The following PNPLA7 variants were observed in gnomAD, a reference collection of about 807,000 sequenced individuals.
The protein encoded by PNPLA7 is patatin like domain 7, lysophospholipase.
In PNPLA7, 153 loss-of-function variants were observed where a neutral mutation model predicts 161.7. The observed-to-expected ratio is 0.95, with a 90% CI of 0.83 to 1.08. The LOEUF (loss-of-function observed/expected upper bound fraction) is 1.08, where lower values mean the gene tolerates loss of function less well. Among genes scored for constraint, PNPLA7 ranks in the 50% least tolerant of loss-of-function variants. The probability of loss-of-function intolerance (pLI) is 0.00; values close to 1 mark genes in which losing one functional copy is unlikely to be tolerated. For missense variants in PNPLA7, 1,739 were observed against 1,856.6 expected, an observed-to-expected ratio of 0.94 and a Z score of 1.16; for synonymous variants, 809 against 782.1, an observed-to-expected ratio of 1.03 and a Z score of -0.57.
Position 137,461,566 on chromosome 9 carries a change from T to A in PNPLA7, c.3811A>T (p.Ile1271Phe). ...ACCATGGCGGGCTTGGCGGGCTCAA[T>A]GCGAGACACAATTTCGGCAAGGTCC... ...FTDLAEIVSR[I>F]EPAKPAMVDD... Residue 1271 changes from isoleucine (I) to phenylalanine (F), a missense_variant, in exon 33 of 35, where the codon ATT (isoleucine) becomes TTT (phenylalanine). Physicochemically the swap from Ile to Phe is conservative, Grantham distance 21. This residue lies in a region of PNPLA7 where 703 missense variants were observed against 694.6 expected (regional missense o/e 1.01). Coordinates refer to ENST00000406427, the MANE Select transcript of PNPLA7 (RefSeq NM_001098537.3). 1 of 1,612,612 alleles carries A rather than the reference T, an allele frequency of 6.2e-7. No individual in the cohort carries two copies. The highest frequency in any genetic ancestry group is 8.5e-7 in the Non-Finnish European group (1 of 1,179,594).
At position 137,520,188 on chromosome 9, in the gene PNPLA7, C is replaced by A; in HGVS notation, c.958-145G>T. ...CCTCAAAGGTGTGACAGGTGTGGGA[C>A]TCTCAAAGGTGTGACAGGTGTGGGC... On this transcript the variant is annotated intron_variant, in intron 10 of 34. Transcript: ENST00000406427. The surrounding 1 kb of genome is among the most constrained non-coding windows in gnomAD (Gnocchi z 5.2). 8 of 1,219,288 alleles carry A rather than the reference C, an allele frequency of 6.6e-6. No homozygotes were observed. Among genetic ancestry groups the A allele is most frequent in the Non-Finnish European group, 9.1e-6 (8 of 877,834 alleles). The allele number at this position is 1,219,288 out of a possible 1,614,324, so 75.5% of individuals were successfully genotyped here. A position where few individuals can be genotyped will look rare whatever the true frequency, so the allele number is the denominator to read the frequency against.
chr9:137,525,047 C>T (rs936393420), intron 8 of PNPLA7, among the ~76,000 whole-genome samples: 1 of 152,200 alleles, frequency 6.6e-6, no homozygotes, highest in South Asian at 2.1e-4. Flanking sequence ...TGACTCCTGG[C>T]GGCAAGGCCC....
At chr9:137,532,566 T>C (rs1835635043) in intron 8 of PNPLA7, among the ~76,000 whole-genome samples, 2 of 152,172 alleles carry the variant, frequency 1.3e-5, no homozygotes, top group Non-Finnish European at 2.9e-5. Flanking sequence ...AGATAAAAAA[T>C]GTCACTGAAA....
intron 12 of PNPLA7, among the ~76,000 whole-genome samples, chr9:137,514,794 A>G (rs1358155258): frequency 1.7e-4 from 15 of 87,632 alleles, no homozygotes; most frequent in South Asian, 4.0e-4. Context: ...GGGTCACCTG[A>G]CTGTTGAGGT....
chr9:137,495,209 C>G, intron 18 of PNPLA7, 63 bp from the exon 19 acceptor site: 3 of 1,220,850 alleles, frequency 2.5e-6, no homozygotes, highest in Non-Finnish European at 3.5e-6. Context: ...CTGGACCTGT[C>G]CCTGACAGCC....
In PNPLA7 at chr9:137,461,519, C is replaced by T. The variant is rs1831195684; in HGVS notation, c.3841+17G>A. ...GTCACGCACGTCTCCACGGCTTCGT[C>T]TTGCGCCTCCACTCACCATCCACCA... On this transcript the variant is annotated intron_variant, in intron 33 of 34. Transcript: ENST00000406427. 2 of 1,607,256 alleles carry T rather than the reference C, an allele frequency of 1.2e-6. No homozygotes were observed. The highest frequency in any genetic ancestry group is 1.7e-6 in the Non-Finnish European group (2 of 1,175,700).
chr9:137,462,229 G>A lies in PNPLA7; in HGVS notation c.3595C>T (p.Pro1199Ser), dbSNP rs562492257. The A allele has an allele frequency of 1.4e-5, 22 of 1,606,896 alleles. No individual in the cohort carries two copies. Among genetic ancestry groups the A allele is most frequent in the Non-Finnish European group, 1.8e-5 (21 of 1,176,092 alleles). Reference protein sequence around the residue: ...SSDYCEYLRPPIDSYSTLDFG... With the variant: ...SSDYCEYLRPSIDSYSTLDFG... ...TCCAGGGTGCTGTAGCTGTCGATGGGGGGGCGCAGGTACTCGCAGTAGTCA... is the reference window on the plus strand; with the variant it reads ...TCCAGGGTGCTGTAGCTGTCGATGGAGGGGCGCAGGTACTCGCAGTAGTCA... The change falls in exon 31 of 35, where the codon CCC becomes TCC. Residue 1199 changes from proline (P) to serine (S), a missense_variant. Coordinates refer to ENST00000406427, the MANE Select transcript of PNPLA7 (RefSeq NM_001098537.3).
chr9:137,463,314 G>A (rs1414400062), intron 29 of PNPLA7, 101 bp downstream of exon 29: 2 of 1,093,814 alleles, frequency 1.8e-6, no homozygotes, highest in Non-Finnish European at 2.7e-6. Flanking sequence ...ACGTGTTCCA[G>A]CCCAGGCTTC....
In PNPLA7 at chr9:137,499,376, G is replaced by A. The variant is rs1276792437; in HGVS notation, c.1758-1131C>T. ...AGACACACAGATAGACACACAGCAC[G>A]GGGGGACTGAGCTGCATTAAGGCTG... On this transcript the variant is annotated intron_variant, in intron 16 of 34. Coordinates refer to ENST00000406427, the MANE Select transcript of PNPLA7 (RefSeq NM_001098537.3). The surrounding 1 kb of genome is among the most constrained non-coding windows in gnomAD (Gnocchi z 5.5). 8.5e-5 allele frequency among the ~76,000 whole-genome samples: 13 copies of A among 152,054 alleles called. No homozygotes were observed. The highest frequency in any genetic ancestry group is 3.9e-4 in the Admixed American group (6 of 15,268).
At position 137,547,420 on chromosome 9, in the gene PNPLA7, G is replaced by A. The variant is rs201123832; in HGVS notation, c.106-24C>T. The stretch of plus-strand genomic sequence containing the variant: ...AGCTGGCCGAGAGTGGAAACACGGC[G>A]CCCATCAGCAAAGCCACAAACCTAA... On this transcript the variant is annotated intron_variant, in intron 2 of 34. Transcript: ENST00000406427. This position sits in a 1 kb window ranked among gnomAD's most constrained non-coding sequence, Gnocchi z 4.6. 1.1e-5 allele frequency: 18 copies of A among 1,611,734 alleles called. No individual in the cohort carries two copies. Among genetic ancestry groups the A allele is most frequent in the Middle Eastern group, 1.6e-4 (1 of 6,070 alleles).
At chr9:137,479,614 GC>G in intron 23 of PNPLA7, 1 of 985,450 alleles carries the variant, frequency 1.0e-6, no homozygotes, top group Non-Finnish European at 1.2e-6. Flanking sequence ...ATTTTTAGCT[GC>G]CCCAGGATTA....
Position 137,519,910 on chromosome 9 carries a change from A to T in PNPLA7, c.1084+7T>A. 1 of 1,611,192 alleles carries T rather than the reference A, an allele frequency of 6.2e-7. No homozygotes were observed. The highest frequency in any genetic ancestry group is 8.5e-7 in the Non-Finnish European group (1 of 1,179,158). ...TGGACATTGCCCTCCTTGGTGCAGG[A>T]CAGTACCTGAGTCACAGGACTCCTG... On this transcript the variant is annotated splice_region_variant and intron_variant, in intron 11 of 34. Coordinates refer to ENST00000406427, the MANE Select transcript of PNPLA7 (RefSeq NM_001098537.3).
At chr9:137,505,377 A>G (rs1266650688) in intron 14 of PNPLA7, among the ~76,000 whole-genome samples, 2 of 152,218 alleles carry the variant, frequency 1.3e-5, no homozygotes. Context: ...TCTAAAGTTC[A>G]GCTTTGGGAC....
At chr9:137,511,680 T>C (rs1490459880) in intron 12 of PNPLA7, among the ~76,000 whole-genome samples, 6 of 152,214 alleles carry the variant, frequency 3.9e-5, no homozygotes, top group African/African-American at 1.4e-4. Context: ...CCGCAGTCAT[T>C]GGAGGCTTCA....
At chr9:137,474,453 G>A (rs985668908) in intron 25 of PNPLA7, among the ~76,000 whole-genome samples, 64 of 152,122 alleles carry the variant, frequency 4.2e-4, no homozygotes, top group Middle Eastern at 3.2e-3. Flanking sequence ...ACCAACAGGC[G>A]CCTCGTGGAA....
chr9:137,548,531 T>C (rs1010281746), intron 1 of PNPLA7, among the ~76,000 whole-genome samples: 5 of 151,974 alleles, frequency 3.3e-5, no homozygotes, highest in Non-Finnish European at 7.4e-5. Context: ...GGGCGGATCA[T>C]GAGGTCAGGA....
chr9:137,509,740 A>T (rs772127882), intron 12 of PNPLA7: 1 of 456,144 alleles, frequency 2.2e-6, no homozygotes, highest in South Asian at 1.5e-5. Context: ...CAGTCGGATG[A>T]GGCTGAGGAG....
At chr9:137,495,968 G>A (rs1216052779) in intron 18 of PNPLA7, among the ~76,000 whole-genome samples, 17 of 152,160 alleles carry the variant, frequency 1.1e-4, no homozygotes, top group Admixed American at 3.9e-4. Flanking sequence ...GAGCTGAGGC[G>A]AGGCGGTGCT....
intron 12 of PNPLA7, among the ~76,000 whole-genome samples, chr9:137,514,447 T>C (rs1588652351): frequency 1.8e-5 from 2 of 112,020 alleles, no homozygotes; most frequent in African/African-American, 3.6e-5. Flanking sequence ...GGCTGGGCTG[T>C]GGGTGGGTCA....
Sources: allele counts gnomAD v4.1 joint callset (sites outside exome capture counted in the v4.1 genomes callset), GRCh38; gene constraint gnomAD v4.1.1; regional missense constraint gnomAD v4.1.1; non-coding constraint Gnocchi (gnomAD v3.1); transcripts MANE v1.5; gene names NCBI Gene and HGNC (gene_info 2026-07-23, HGNC 2026-07-21).